Variants in GABBR2 observed in about 807,000 individuals in gnomAD.
GABBR2 encodes gamma-aminobutyric acid type B receptor subunit 2, also known as G-protein coupled receptor 51.
GABBR2 carries 23 observed loss-of-function variants against 105.6 expected under a neutral mutation model. That is an observed-to-expected ratio of 0.22 (90% CI 0.16 to 0.31). GABBR2 has a LOEUF of 0.31. GABBR2 is among the 10% of genes least tolerant of loss of function. The pLI is 1.00. For missense variants in GABBR2, 734 were observed against 1,245.5 expected, an observed-to-expected ratio of 0.59 and a Z score of 6.18; for synonymous variants, 478 against 499.7, an observed-to-expected ratio of 0.96 and a Z score of 0.58.
chr9:98,575,437 A>G (rs1024999479), intron 2 of GABBR2, among the ~76,000 whole-genome samples: 2 of 152,190 alleles, frequency 1.3e-5, no homozygotes, highest in African/African-American at 4.8e-5. Flanking sequence ...GACTAACCAC[A>G]AAGAACACTT....
chr9:98,290,282 T>G lies in GABBR2; in HGVS notation c.*302A>C, dbSNP rs530972341. 203 of 181,214 alleles carry G rather than the reference T, an allele frequency of 1.1e-3. 1 individual carries two copies. The highest frequency in any genetic ancestry group is 5.5e-3 in the East Asian group (46 of 8,296). The allele number at this position is 181,214 out of a possible 1,614,324, so 11.2% of individuals were successfully genotyped here. A position where few individuals can be genotyped will look rare whatever the true frequency, so the allele number is the denominator to read the frequency against. ...TCTAGTTTTTTTGTTTTTTTTTTTT[T>G]TTTTTTTTTTTTGCAAGTTTGATAT... On this transcript the variant is annotated 3_prime_UTR_variant, in exon 19 of 19. Transcript: ENST00000259455.
chr9:98,501,991 T>G (rs1289844808), intron 3 of GABBR2, among the ~76,000 whole-genome samples: 1 of 151,942 alleles, frequency 6.6e-6, no homozygotes, highest in African/African-American at 2.4e-5. Flanking sequence ...CACGGTGCTG[T>G]GGTGAAGAGA....
At position 98,496,402 on chromosome 9, in the gene GABBR2, G is replaced by T. The variant is rs375929317; in HGVS notation, c.732+11C>A. 1 of 1,554,332 alleles carries T rather than the reference G, an allele frequency of 6.4e-7. No individual in the cohort carries two copies. Among genetic ancestry groups the T allele is most frequent in the African/African-American group, 1.4e-5 (1 of 73,876 alleles). On this transcript the variant is annotated intron_variant, in intron 4 of 18. Transcript: ENST00000259455. Reference sequence around the variant, plus strand: ...CAGTCTGCCATTCACCCTGTGGCTAGCCACACCTACCTTCAGCTTTTTGAC... The same window carrying T: ...CAGTCTGCCATTCACCCTGTGGCTATCCACACCTACCTTCAGCTTTTTGAC...
At chr9:98,593,138 G>A (rs975915773) in intron 1 of GABBR2, among the ~76,000 whole-genome samples, 1 of 152,052 alleles carries the variant, frequency 6.6e-6, no homozygotes, top group African/African-American at 2.4e-5. Context: ...GAGCCACCAT[G>A]CCTGGCCATT....
intron 4 of GABBR2, among the ~76,000 whole-genome samples, chr9:98,483,380 C>T (rs997291786): frequency 6.6e-6 from 1 of 152,146 alleles, no homozygotes; most frequent in African/African-American, 2.4e-5. Context: ...GCCCCATCCA[C>T]CCATCGCCAC....
intron 8 of GABBR2, among the ~76,000 whole-genome samples, chr9:98,403,168 C>T (rs1832425641): frequency 6.6e-6 from 1 of 151,942 alleles, no homozygotes; most frequent in African/African-American, 2.4e-5. Context: ...GTGGCACGAG[C>T]CTGTAGTCCC....
chr9:98,462,171 C>T (rs1260088987), intron 6 of GABBR2, among the ~76,000 whole-genome samples: 1 of 152,188 alleles, frequency 6.6e-6, no homozygotes, highest in Non-Finnish European at 1.5e-5. Flanking sequence ...CACAGTTATA[C>T]ATATATTATA....
At chr9:98,539,520 C>T (rs1167720848) in intron 3 of GABBR2, among the ~76,000 whole-genome samples, 2 of 152,108 alleles carry the variant, frequency 1.3e-5, no homozygotes, top group African/African-American at 4.8e-5. Flanking sequence ...GAACTTTGTC[C>T]CCTTCCCTCT....
intron 4 of GABBR2, among the ~76,000 whole-genome samples, chr9:98,487,778 CA>C (rs1827089575): frequency 6.6e-6 from 1 of 151,946 alleles, no homozygotes; most frequent in Non-Finnish European, 1.5e-5. Context: ...ACCCTGTCCC[CA>C]CTCCCCCAGT....
chr9:98,354,227 T>C (rs181575866), intron 13 of GABBR2, among the ~76,000 whole-genome samples: 1 of 152,372 alleles, frequency 6.6e-6, no homozygotes, highest in Admixed American at 6.5e-5. Context: ...ATCCAGGCTT[T>C]GTTGTTCCAT....
intron 1 of GABBR2, among the ~76,000 whole-genome samples, chr9:98,687,184 A>G (rs1159575625): frequency 6.6e-6 from 1 of 151,518 alleles, no homozygotes; most frequent in African/African-American, 2.4e-5. Flanking sequence ...CAGTCTAGAC[A>G]TGGGCTCAGT....
intron 2 of GABBR2, among the ~76,000 whole-genome samples, chr9:98,560,428 C>T (rs1828653677): frequency 7.0e-6 from 1 of 142,722 alleles, no homozygotes; most frequent in Non-Finnish European, 1.5e-5. Flanking sequence ...TATACACATA[C>T]ACACACACAC....
At chr9:98,455,819 G>GC (rs373630880) in intron 6 of GABBR2, among the ~76,000 whole-genome samples, 1 of 152,294 alleles carries the variant, frequency 6.6e-6, no homozygotes, top group African/African-American at 2.4e-5. Flanking sequence ...AGTGCCAAGT[G>GC]CCCCCGGCTG....
In GABBR2 at chr9:98,353,128, T is replaced by C. The variant is rs145155086; in HGVS notation, c.1893+9587A>G. On this transcript the variant is annotated intron_variant, in intron 13 of 18. Transcript: ENST00000259455. The stretch of plus-strand genomic sequence containing the variant: ...ACTAAGGAGCTCTCCTTGGCTAGTA[T>C]TTCAGGCATCTGTGATGGGAATGCG... Among the ~76,000 whole-genome samples the C allele has an allele frequency of 1.0e-3, 159 of 152,272 alleles. 1 individual carries two copies. Among genetic ancestry groups the C allele is most frequent in the African/African-American group, 3.6e-3 (150 of 41,544 alleles).
At chr9:98,627,672 G>A (rs1030327296) in intron 1 of GABBR2, among the ~76,000 whole-genome samples, 7 of 152,216 alleles carry the variant, frequency 4.6e-5, no homozygotes, top group African/African-American at 7.2e-5. Context: ...CCATCAGGGC[G>A]TTCTGAAGCG....
chr9:98,300,703 T>C (rs1455466575), intron 16 of GABBR2, among the ~76,000 whole-genome samples: 1 of 152,188 alleles, frequency 6.6e-6, no homozygotes, highest in Non-Finnish European at 1.5e-5. Context: ...AGAATCACTC[T>C]CTCTGACCTT....
chr9:98,342,295 G>A (rs1274861042), intron 13 of GABBR2, among the ~76,000 whole-genome samples: 2 of 152,118 alleles, frequency 1.3e-5, no homozygotes, highest in African/African-American at 4.8e-5. Flanking sequence ...CAGGCATAGA[G>A]GAAGAGAGTG....
At chr9:98,419,720 C>T (rs756514745) in intron 7 of GABBR2, among the ~76,000 whole-genome samples, 28 of 152,246 alleles carry the variant, frequency 1.8e-4, no homozygotes, top group Non-Finnish European at 3.2e-4. Flanking sequence ...ATTGACATCC[C>T]CTCAGAAGGC....
intron 3 of GABBR2, among the ~76,000 whole-genome samples, chr9:98,534,921 G>A (rs191967110): frequency 5.6e-4 from 85 of 152,290 alleles, no homozygotes; most frequent in Admixed American, 3.1e-3. Context: ...AAAATCCTGC[G>A]CATGGATGTT....
Sources: allele counts gnomAD v4.1 joint callset (sites outside exome capture counted in the v4.1 genomes callset), GRCh38; gene constraint gnomAD v4.1.1; transcripts MANE v1.5; gene names NCBI Gene and HGNC (gene_info 2026-07-23, HGNC 2026-07-21).